The following ADNP variants were observed in gnomAD, a reference collection of about 807,000 sequenced individuals.
ADNP encodes activity dependent neuroprotector homeobox.
A neutral mutation model predicts 84.9 loss-of-function variants in ADNP; 4 were observed. The observed-to-expected ratio is 0.05, with a 90% CI of 0.02 to 0.11. The LOEUF (loss-of-function observed/expected upper bound fraction) is 0.11, where lower values mean the gene tolerates loss of function less well. Ranked by LOEUF, ADNP falls within the 10% of genes least tolerant of loss-of-function variation. ADNP has a pLI of 1.00. For missense variants in ADNP, 1,132 were observed against 1,326.0 expected (o/e 0.85, Z 2.27); for synonymous variants, 554 against 468.1 (o/e 1.18, Z -2.37).
intron 2 of ADNP, chr20:50,905,402 G>C (rs970441523): frequency 1.3e-5 from 2 of 152,134 alleles, no homozygotes; most frequent in African/African-American, 4.8e-5. Flanking sequence ...CTGTTACTCT[G>C]TAATACCAAT....
chr20:50,916,883 T>TA (rs1983550585), intron 2 of ADNP, among the ~76,000 whole-genome samples: 1 of 152,010 alleles, frequency 6.6e-6, no homozygotes, highest in East Asian at 1.9e-4. Flanking sequence ...AACCAAAAAC[T>TA]AAAAAACAAG....
chr20:50,890,013 T>C lies in ADNP; in HGVS notation c.*1392A>G, dbSNP rs912384192. The C allele has an allele frequency of 5.2e-6, 2 of 384,764 alleles. No individual in the cohort carries two copies. Among genetic ancestry groups the C allele is most frequent in the African/African-American group, 2.3e-5 (1 of 42,724 alleles). The allele number at this position is 384,764 out of a possible 1,614,324, so 23.8% of individuals were successfully genotyped here. A position where few individuals can be genotyped will look rare whatever the true frequency, so the allele number is the denominator to read the frequency against. On this transcript the variant is annotated 3_prime_UTR_variant, in exon 6 of 6. Coordinates refer to ENST00000621696, the MANE Select transcript of ADNP (RefSeq NM_001282531.3). The stretch of plus-strand genomic sequence containing the variant: ...AGGCTATTAAGATTCTGCTTGCAAA[T>C]TAATGCCAATCCATGTTTACATTTT...
chr20:50,894,239 T>C lies in ADNP; in HGVS notation c.475A>G (p.Ser159Gly). 1.9e-6 allele frequency: 3 copies of C among 1,614,166 alleles called. No homozygotes were observed. The highest frequency in any genetic ancestry group is 2.5e-6 in the Non-Finnish European group (3 of 1,180,034). The change falls in exon 6 of 6, where the codon AGT (serine) becomes GGT (glycine). Residue 159 changes from serine (S) to glycine (G), a missense_variant. Ser to Gly is a moderately conservative substitution (Grantham distance 56, BLOSUM62 0). Transcript: ENST00000621696. The stretch of plus-strand genomic sequence containing the variant: ...CAGTAATAAACAGCTTGCTCTACAC[T>C]GTCAGCCTGCTTAGGTTTAAGGCCA... Reference protein sequence around the residue: ...NDGLKPKQADSVEQAVYYCKK... With the variant: ...NDGLKPKQADGVEQAVYYCKK...
intron 2 of ADNP, among the ~76,000 whole-genome samples, chr20:50,918,273 C>T (rs188515838): frequency 6.6e-6 from 1 of 152,172 alleles, no homozygotes; most frequent in African/African-American, 2.4e-5. Flanking sequence ...GGTTCAAAAT[C>T]AGGGGCATTT....
intron 2 of ADNP, among the ~76,000 whole-genome samples, chr20:50,920,442 T>G (rs1306805834): frequency 1.3e-5 from 2 of 150,356 alleles, no homozygotes; most frequent in Non-Finnish European, 3.0e-5. Context: ...GAGCTCGGTG[T>G]GGTGGCCAGC....
chr20:50,913,886 A>C (rs1983287152), intron 2 of ADNP: 1 of 614,754 alleles, frequency 1.6e-6, no homozygotes, highest in African/African-American at 1.9e-5. Flanking sequence ...TACATACATA[A>C]ATTATTGAAT....
In ADNP at chr20:50,902,080, A is replaced by G. The variant is rs939263701; in HGVS notation, c.138T>C (p.Phe46=). Residue 46 remains phenylalanine (F), a synonymous_variant, in exon 5 of 6, where the codon TTT becomes TTC. Coordinates refer to ENST00000621696, the MANE Select transcript of ADNP (RefSeq NM_001282531.3). ...EDFKQFEPND[F]YLKNTTWEDV... ...CCTCCCATGTAGTGTTTTTCAAATA[A>G]AAGTCATTAGGTTCAAATTGTTTAA... 5 of 1,613,684 alleles carry G rather than the reference A, an allele frequency of 3.1e-6. No individual in the cohort carries two copies. The South Asian group carries it at 3.3e-5, about 11-fold the overall frequency.
intron 5 of ADNP, among the ~76,000 whole-genome samples, chr20:50,895,160 C>G (rs368699785): frequency 2.0e-5 from 3 of 152,186 alleles, no homozygotes; most frequent in Admixed American, 2.0e-4. Flanking sequence ...GTTTACTATA[C>G]AGTCATGTGT....
chr20:50,910,336 G>GA (rs1459135499), intron 2 of ADNP, among the ~76,000 whole-genome samples: 1 of 152,188 alleles, frequency 6.6e-6, no homozygotes, highest in Non-Finnish European at 1.5e-5. Context: ...ATTTACGACT[G>GA]AAAGTAACTA....
At chr20:50,903,037 C>T (rs960831507) in intron 4 of ADNP, among the ~76,000 whole-genome samples, 1 of 152,152 alleles carries the variant, frequency 6.6e-6, no homozygotes, top group Non-Finnish European at 1.5e-5. Flanking sequence ...AATGAATTTG[C>T]TTTTTTACTT....
chr20:50,900,584 A>G (rs916346081), intron 5 of ADNP, among the ~76,000 whole-genome samples: 3 of 152,228 alleles, frequency 2.0e-5, no homozygotes, highest in African/African-American at 7.2e-5. Context: ...TTTTCAGCTC[A>G]ATTATATTCT....
chr20:50,921,427 A>C (rs1356791208), intron 2 of ADNP, among the ~76,000 whole-genome samples: 2 of 152,252 alleles, frequency 1.3e-5, no homozygotes, highest in East Asian at 3.8e-4. Flanking sequence ...AACCCAGGTG[A>C]CTTACAGTTA....
At chr20:50,907,253 C>T (rs1382519068) in intron 2 of ADNP, among the ~76,000 whole-genome samples, 1 of 149,220 alleles carries the variant, frequency 6.7e-6, no homozygotes, top group Admixed American at 6.7e-5. Flanking sequence ...GCTGGGATTA[C>T]AGCCACCGCG....
chr20:50,890,161 A>AAAAAC lies in ADNP; in HGVS notation c.*1243_*1244insGTTTT, dbSNP rs71192505. ...AAAAAAAAAAAAAAAAAAAAAAAAA[A>AAAAAC]GAAAAACAGATTTTGTACCAGGTGC... On this transcript the variant is annotated 3_prime_UTR_variant, in exon 6 of 6. Coordinates refer to ENST00000621696, the MANE Select transcript of ADNP (RefSeq NM_001282531.3). 12 of 181,178 alleles carry AAAAAC rather than the reference A, an allele frequency of 6.6e-5. No homozygotes were observed. The highest frequency in any genetic ancestry group is 1.7e-3 in the Middle Eastern group (1 of 606). The allele number at this position is 181,178 out of a possible 1,614,324, so 11.2% of individuals were successfully genotyped here.
intron 2 of ADNP, among the ~76,000 whole-genome samples, chr20:50,925,617 G>C (rs932572540): frequency 3.9e-5 from 6 of 152,234 alleles, no homozygotes; most frequent in Admixed American, 2.0e-4. Flanking sequence ...AAGGTGGAAA[G>C]TGCCAAAGTA....
chr20:50,913,963 G>A (rs1303219152), intron 2 of ADNP: 10 of 712,934 alleles, frequency 1.4e-5, no homozygotes, highest in Non-Finnish European at 2.6e-5. Context: ...TCTTCAGACT[G>A]CTGTTTGTGC....
intron 4 of ADNP, 75 bp from the exon 5 acceptor site, chr20:50,902,184 C>T: frequency 1.8e-6 from 2 of 1,111,294 alleles, no homozygotes; most frequent in Non-Finnish European, 2.7e-6. Flanking sequence ...TAAATCTCAC[C>T]TCTTAACTAA....
At chr20:50,911,858 C>CT (rs1456528020) in intron 2 of ADNP, among the ~76,000 whole-genome samples, 3 of 151,912 alleles carry the variant, frequency 2.0e-5, no homozygotes, top group African/African-American at 7.3e-5. Context: ...AAGCTAGCCT[C>CT]TAAGTCCAAC....
chr20:50,909,086 A>T (rs900899428), intron 2 of ADNP, among the ~76,000 whole-genome samples: 2 of 150,630 alleles, frequency 1.3e-5, no homozygotes, highest in African/African-American at 2.4e-5. Flanking sequence ...AAAAAAAAAA[A>T]TTTGCCAGCC....
Sources: gnomAD v4.1 joint callset for allele counts (sites outside exome capture counted in the v4.1 genomes callset) on GRCh38, gnomAD v4.1.1 for gene constraint, MANE v1.5 for transcripts, NCBI Gene and HGNC (gene_info 2026-07-23, HGNC 2026-07-21) for gene names.